Variants in FRMD5 observed in about 807,000 individuals in gnomAD.
FRMD5 encodes FERM domain containing 5, also known as FERM domain-containing protein 5.
In FRMD5, 20 loss-of-function variants were observed where a neutral mutation model predicts 69.0. The ratio of observed to expected loss-of-function variants is 0.29; its 90% confidence interval spans 0.20 to 0.42. The LOEUF (loss-of-function observed/expected upper bound fraction) is 0.42. FRMD5 is among the 10% of genes least tolerant of loss of function. The pLI is 1.00. For synonymous variants in FRMD5, 271 were observed against 260.1 expected (o/e 1.04, Z -0.40); for missense variants, 595 against 708.6 (o/e 0.84, Z 1.82).
intron 7 of FRMD5, among the ~76,000 whole-genome samples, chr15:43,894,719 T>G (rs555600797): frequency 7.9e-5 from 12 of 152,194 alleles, no homozygotes; most frequent in Admixed American, 7.9e-4. Context: ...CTTCTTCCAC[T>G]CTGGCTCATA....
intron 1 of FRMD5, among the ~76,000 whole-genome samples, chr15:44,108,448 C>T (rs1173531213): frequency 1.3e-5 from 2 of 152,148 alleles, no homozygotes; most frequent in African/African-American, 4.8e-5. Flanking sequence ...AGTTCGAGAC[C>T]AGCCTGACCA....
intron 1 of FRMD5, among the ~76,000 whole-genome samples, chr15:44,117,084 G>A (rs187218166): frequency 1.3e-4 from 20 of 150,272 alleles, no homozygotes; most frequent in African/African-American, 2.5e-4. Flanking sequence ...CAGCCTGAGC[G>A]ACAGAACAAG....
At position 43,892,920 on chromosome 15, in the gene FRMD5, A is replaced by G. The variant is rs1006391581; in HGVS notation, c.640-851T>C. Among the ~76,000 whole-genome samples the G allele has an allele frequency of 3.9e-5, 6 of 152,254 alleles. No homozygotes were observed. In the South Asian group the frequency reaches 1.2e-3, roughly 32 times the overall value. ...GGAGTTCGAGACCAGCCTGGCCAAC[A>G]TGGTGAAACCCCATCTCTACTAAAA... is the stretch of plus-strand genomic sequence containing the variant. On this transcript the variant is annotated intron_variant, in intron 7 of 13. Coordinates refer to ENST00000417257, the MANE Select transcript of FRMD5 (RefSeq NM_032892.5).
intron 1 of FRMD5, among the ~76,000 whole-genome samples, chr15:44,046,485 A>C (rs1398296629): frequency 6.6e-6 from 1 of 152,212 alleles, no homozygotes; most frequent in Non-Finnish European, 1.5e-5. Flanking sequence ...AGGTTTATTC[A>C]ATGTCCAGTG....
At chr15:44,163,067 G>A (rs771836404) in intron 1 of FRMD5, among the ~76,000 whole-genome samples, 1 of 151,990 alleles carries the variant, frequency 6.6e-6, no homozygotes, top group Non-Finnish European at 1.5e-5. Context: ...CCAGCTACTC[G>A]GGAGGCTGAG....
At chr15:43,891,545 T>A (rs2088793232) in intron 8 of FRMD5, among the ~76,000 whole-genome samples, 1 of 152,050 alleles carries the variant, frequency 6.6e-6, no homozygotes, top group African/African-American at 2.4e-5. Context: ...GCCCCAGAGG[T>A]CACTGTCTGT....
At chr15:43,970,532 T>A (rs530127256) in intron 1 of FRMD5, among the ~76,000 whole-genome samples, 1 of 152,312 alleles carries the variant, frequency 6.6e-6, no homozygotes, top group Admixed American at 6.5e-5. Flanking sequence ...TGCAGTGGTA[T>A]GATCTTGGCT....
intron 1 of FRMD5, among the ~76,000 whole-genome samples, chr15:44,179,498 G>A (rs1427735323): frequency 6.6e-6 from 1 of 152,182 alleles, no homozygotes; most frequent in Non-Finnish European, 1.5e-5. Flanking sequence ...CCTGAAATCA[G>A]TTGAATGAGC....
chr15:43,952,067 G>A (rs1463757022), intron 1 of FRMD5, among the ~76,000 whole-genome samples: 1 of 149,796 alleles, frequency 6.7e-6, no homozygotes, highest in African/African-American at 2.5e-5. Flanking sequence ...TGGTCAAACT[G>A]CCATAGACTG....
chr15:44,058,702 C>T (rs1892969369), intron 1 of FRMD5, among the ~76,000 whole-genome samples: 2 of 149,580 alleles, frequency 1.3e-5, no homozygotes, highest in Non-Finnish European at 1.5e-5. Context: ...AGGAGAATGG[C>T]GTGAACCTGG....
chr15:44,033,641 C>A (rs535477888), intron 1 of FRMD5, among the ~76,000 whole-genome samples: 1 of 152,008 alleles, frequency 6.6e-6, no homozygotes, highest in Non-Finnish European at 1.5e-5. Flanking sequence ...TCTAATATTT[C>A]GAAAATGGTT....
chr15:43,984,982 G>GA (rs10719107), intron 1 of FRMD5, among the ~76,000 whole-genome samples: 211 of 141,574 alleles, frequency 1.5e-3, no homozygotes, highest in Non-Finnish European at 2.3e-3. Context: ...ACTCTGTCTA[G>GA]AAAAAAAAAA....
intron 1 of FRMD5, among the ~76,000 whole-genome samples, chr15:44,029,912 T>C (rs992111676): frequency 6.6e-6 from 1 of 152,230 alleles, no homozygotes; most frequent in African/African-American, 2.4e-5. Flanking sequence ...AAAGAACTTA[T>C]GAATGAAAAG....
chr15:43,938,348 C>A (rs1257321929), intron 1 of FRMD5, among the ~76,000 whole-genome samples: 2 of 150,282 alleles, frequency 1.3e-5, no homozygotes, highest in Admixed American at 6.6e-5. Flanking sequence ...TAAAGAGAAA[C>A]AAAGGCTCAG....
At chr15:44,006,666 C>A (rs918941345) in intron 1 of FRMD5, among the ~76,000 whole-genome samples, 1 of 152,132 alleles carries the variant, frequency 6.6e-6, no homozygotes, top group Admixed American at 6.6e-5. Context: ...CCCTTGATTT[C>A]AAGCTGTCAG....
intron 1 of FRMD5, among the ~76,000 whole-genome samples, chr15:44,010,404 T>C (rs906864216): frequency 4.0e-5 from 6 of 150,834 alleles, no homozygotes; most frequent in African/African-American, 1.5e-4. Context: ...CCTTTTCTTT[T>C]TTTTTTTTTT....
intron 1 of FRMD5, among the ~76,000 whole-genome samples, chr15:44,128,340 C>T (rs371167357): frequency 5.1e-4 from 78 of 152,198 alleles, no homozygotes; most frequent in African/African-American, 1.7e-3. Context: ...ATTAGCTGGG[C>T]GTGGTGGCGC....
At chr15:43,901,969 T>C (rs973737132) in intron 7 of FRMD5, 9 of 547,262 alleles carry the variant, frequency 1.6e-5, no homozygotes, top group Middle Eastern at 4.9e-4. Flanking sequence ...TTTGCCTCGG[T>C]TCCTCTGACA....
At chr15:44,107,078 G>A (rs1463798266) in intron 1 of FRMD5, among the ~76,000 whole-genome samples, 4 of 152,084 alleles carry the variant, frequency 2.6e-5, no homozygotes, top group South Asian at 2.1e-4. Flanking sequence ...AGGGTGTCAG[G>A]GACCACCCAG....
Sources: gnomAD v4.1 joint callset for allele counts (sites outside exome capture counted in the v4.1 genomes callset) on GRCh38, gnomAD v4.1.1 for gene constraint, MANE v1.5 for transcripts, NCBI Gene and HGNC (gene_info 2026-07-23, HGNC 2026-07-21) for gene names.